The following ARK2C variants were observed in gnomAD, a reference collection of about 807,000 sequenced individuals.
ARK2C encodes arkadia (RNF111) C-terminal like ring finger ubiquitin ligase 2C.
the ARK2C span, among the ~76,000 whole-genome samples, chr18:46,395,876 G>A: frequency 8.5e-5 from 13 of 152,300 alleles, no homozygotes; most frequent in Admixed American, 5.2e-4. Context: ...ATTATTGCTC[G>A]CCATTCTATG....
the ARK2C span, among the ~76,000 whole-genome samples, chr18:46,381,121 C>T: frequency 6.6e-6 from 1 of 152,238 alleles, no homozygotes; most frequent in Non-Finnish European, 1.5e-5. Context: ...TCTCTCTGCC[C>T]TCCCCATGGA....
At chr18:46,367,499 T>C in the ARK2C span, among the ~76,000 whole-genome samples, 48 of 152,146 alleles carry the variant, frequency 3.2e-4, no homozygotes, top group African/African-American at 1.1e-3. Context: ...TGCATTGACA[T>C]TCTTTGAGGC....
At chr18:46,447,585 T>C in the ARK2C span, 90 of 1,614,120 alleles carry the variant, frequency 5.6e-5, no homozygotes, top group Non-Finnish European at 7.3e-5. Flanking sequence ...GGATGCTGGC[T>C]TGAGTCCTGC....
At chr18:46,413,216 C>T in the ARK2C span, among the ~76,000 whole-genome samples, 8 of 152,182 alleles carry the variant, frequency 5.3e-5, no homozygotes, top group South Asian at 1.0e-3. Flanking sequence ...CAGCCTGCCC[C>T]GACCCGTTCC....
chr18:46,366,094 A>G, the ARK2C span, among the ~76,000 whole-genome samples: 1 of 151,750 alleles, frequency 6.6e-6, no homozygotes, highest in Non-Finnish European at 1.5e-5. Context: ...GGAGTTTGAG[A>G]CCAGCCTGAC....
the ARK2C span, among the ~76,000 whole-genome samples, chr18:46,432,772 C>T: frequency 6.6e-6 from 1 of 151,704 alleles, no homozygotes; most frequent in African/African-American, 2.4e-5. Flanking sequence ...GGTGAAACTC[C>T]GTCTCTACTA....
the ARK2C span, among the ~76,000 whole-genome samples, chr18:46,414,901 G>A: frequency 2.0e-5 from 3 of 152,290 alleles, no homozygotes; most frequent in South Asian, 2.1e-4. Context: ...AATGGGGAGC[G>A]TGCACTTCCA....
chr18:46,435,895 G>C, the ARK2C span, among the ~76,000 whole-genome samples: 1 of 152,214 alleles, frequency 6.6e-6, no homozygotes, highest in African/African-American at 2.4e-5. Flanking sequence ...TGGAGGCAAA[G>C]CCAGCCAGGT....
the ARK2C span, among the ~76,000 whole-genome samples, chr18:46,404,622 G>A: frequency 4.6e-5 from 7 of 152,056 alleles, no homozygotes; most frequent in African/African-American, 1.2e-4. Context: ...GCATGGTGGC[G>A]GGAGCCTGTA....
the ARK2C span, among the ~76,000 whole-genome samples, chr18:46,373,492 G>T: frequency 0.014 from 2,073 of 152,314 alleles, 13 homozygotes; most frequent in East Asian, 0.053. Context: ...GGTGCATCCT[G>T]GGGAGCAGGT....
the ARK2C span, chr18:46,433,569 G>C: frequency 1.2e-5 from 17 of 1,406,566 alleles, no homozygotes; most frequent in Non-Finnish European, 1.6e-5. Flanking sequence ...CAGGGCCAGG[G>C]CGTGGGCAGG....
At chr18:46,435,387 G>A in the ARK2C span, 3 of 1,613,018 alleles carry the variant, frequency 1.9e-6, no homozygotes, top group Non-Finnish European at 2.5e-6. Flanking sequence ...TTGGCTGAGG[G>A]CACTGACTGG....
the ARK2C span, among the ~76,000 whole-genome samples, chr18:46,417,841 T>C: frequency 1.3e-5 from 2 of 151,002 alleles, no homozygotes; most frequent in Admixed American, 6.6e-5. Context: ...CCGTCTCTAC[T>C]AAAAATACAA....
the ARK2C span, among the ~76,000 whole-genome samples, chr18:46,348,603 ACCT>A: frequency 1.3e-5 from 2 of 151,678 alleles, no homozygotes; most frequent in Non-Finnish European, 2.9e-5. Flanking sequence ...TATCTGGGAG[ACCT>A]CCTGGAAGAC....
At chr18:46,434,436 A>T in the ARK2C span, among the ~76,000 whole-genome samples, 1 of 152,352 alleles carries the variant, frequency 6.6e-6, no homozygotes, top group Non-Finnish European at 1.5e-5. Context: ...TTTTTAAAAC[A>T]TATTTGCAAA....
the ARK2C span, among the ~76,000 whole-genome samples, chr18:46,434,400 T>C: frequency 2.6e-5 from 4 of 152,224 alleles, no homozygotes; most frequent in Non-Finnish European, 4.4e-5. Context: ...ATAACCACTA[T>C]ATATAAATTT....
chr18:46,409,669 G>C, the ARK2C span, among the ~76,000 whole-genome samples: 4 of 152,140 alleles, frequency 2.6e-5, no homozygotes, highest in Non-Finnish European at 4.4e-5. Flanking sequence ...CTGAGTAGCA[G>C]GGGCATGGCT....
At chr18:46,355,098 T>C in the ARK2C span, among the ~76,000 whole-genome samples, 2 of 151,936 alleles carry the variant, frequency 1.3e-5, no homozygotes, top group Admixed American at 1.3e-4. Flanking sequence ...TACGGGAACA[T>C]GCCACCATGC....
the ARK2C span, among the ~76,000 whole-genome samples, chr18:46,348,350 G>T: frequency 6.6e-6 from 1 of 152,202 alleles, no homozygotes; most frequent in African/African-American, 2.4e-5. Context: ...TGGCCCTCCT[G>T]GTCAACATGG....
Sources: allele counts gnomAD v4.1 joint callset (sites outside exome capture counted in the v4.1 genomes callset), GRCh38; gene constraint gnomAD v4.1.1; transcripts MANE v1.5; gene names NCBI Gene and HGNC (gene_info 2026-07-23, HGNC 2026-07-21).